TTLL5: variants seen among roughly 807,000 people sequenced by gnomAD.
The protein encoded by TTLL5 is tubulin tyrosine ligase like 5, also known as tubulin polyglutamylase TTLL5.
A neutral mutation model predicts 168.4 loss-of-function variants in TTLL5; 132 were observed. That is an observed-to-expected ratio of 0.78 (90% confidence interval 0.68 to 0.91). TTLL5 has a LOEUF of 0.91. Ranked by LOEUF, TTLL5 falls within the 40% of genes least tolerant of loss-of-function variation. TTLL5 has a pLI of 0.00. For synonymous variants in TTLL5, 546 were observed against 558.6 expected, an observed-to-expected ratio of 0.98 and a Z score of 0.32; for missense variants, 1,545 against 1,581.5, an observed-to-expected ratio of 0.98 and a Z score of 0.39.
At chr14:75,793,948 C>A (rs1892857881) in intron 27 of TTLL5, among the ~76,000 whole-genome samples, 1 of 152,198 alleles carries the variant, frequency 6.6e-6, no homozygotes, top group South Asian at 2.1e-4. Context: ...TAGTGATAAT[C>A]AAGTCTCGAA....
rs142112640 is a variant in TTLL5 at position 75,810,337 on chromosome 14, T to TTCTC, written c.3172-9654_3172-9651dup. ...TTAAGCTCTTATTAACTAAATCATCTTCTCTCTCTCTCTCTCTCTGTTTTT... is the reference window on the plus strand; with the variant it reads ...TTAAGCTCTTATTAACTAAATCATCTTCTCTCTCTCTCTCTCTCTCTCTGTTTTT... On this transcript the variant is annotated intron_variant, in intron 27 of 31. Coordinates refer to ENST00000298832, the MANE Select transcript of TTLL5 (RefSeq NM_015072.5). Among the ~76,000 whole-genome samples the TTCTC allele has an allele frequency of 2.4e-3, 363 of 150,156 alleles. 1 individual carries two copies. The highest frequency in any genetic ancestry group is 4.4e-3 in the Non-Finnish European group (294 of 67,286).
At chr14:75,851,677 T>C (rs1221954286) in intron 28 of TTLL5, among the ~76,000 whole-genome samples, 2 of 152,196 alleles carry the variant, frequency 1.3e-5, no homozygotes, top group African/African-American at 4.8e-5. Context: ...GCAGCCGCTC[T>C]CTCTGGCGGG....
At position 75,667,581 on chromosome 14, in the gene TTLL5, A is replaced by G. The variant is rs1055630051; in HGVS notation, c.75-1835A>G. Among the ~76,000 whole-genome samples, 6 of 152,232 alleles carry G rather than the reference A, an allele frequency of 3.9e-5. No individual in the cohort carries two copies. The East Asian group carries it at 9.7e-4, about 25-fold the overall frequency. ...ACTGTCACCAAGTCAAAGAACAAGA[A>G]CAATAAGCATCCACATGCCATTTCT... On this transcript the variant is annotated intron_variant, in intron 2 of 31. Transcript: ENST00000298832.
intron 18 of TTLL5, among the ~76,000 whole-genome samples, chr14:75,759,618 A>G (rs1407669497): frequency 6.6e-6 from 1 of 152,130 alleles, no homozygotes; most frequent in East Asian, 1.9e-4. Context: ...CTTCATGAAC[A>G]TAGACACAAA....
At chr14:75,688,442 T>C (rs1345887213) in intron 5 of TTLL5, among the ~76,000 whole-genome samples, 2 of 152,226 alleles carry the variant, frequency 1.3e-5, no homozygotes, top group African/African-American at 4.8e-5. Flanking sequence ...TGTCTTCCTC[T>C]ATATCCTTTG....
In TTLL5 at chr14:75,663,069, C is replaced by A; in HGVS notation, c.-81C>A. ...ATTTCTTGCAGGAATCTGTGCCATC[C>A]AAATTGCTTGATCCAGTGAATCTGC... On this transcript the variant is annotated 5_prime_UTR_variant, in exon 2 of 32. Coordinates refer to ENST00000298832, the MANE Select transcript of TTLL5 (RefSeq NM_015072.5). 1 of 1,235,078 alleles carries A rather than the reference C, an allele frequency of 8.1e-7. No homozygotes were observed. Among genetic ancestry groups the A allele is most frequent in the Non-Finnish European group, 1.2e-6 (1 of 849,036 alleles). 76.5% of individuals were successfully genotyped at this position (1,235,078 alleles called of 1,614,324 possible). A position where few individuals can be genotyped will look rare whatever the true frequency, so the allele number is the denominator to read the frequency against.
At chr14:75,667,478 T>C (rs954444159) in intron 2 of TTLL5, among the ~76,000 whole-genome samples, 1 of 152,120 alleles carries the variant, frequency 6.6e-6, no homozygotes, top group Non-Finnish European at 1.5e-5. Context: ...GTGTTAAAGA[T>C]GAAGAAGCAA....
Position 75,735,216 on chromosome 14 carries a change from C to T in TTLL5, c.1208C>T (p.Ala403Val). 2 of 1,614,194 alleles carry T rather than the reference C, an allele frequency of 1.2e-6. No homozygotes were observed. The highest frequency in any genetic ancestry group is 1.7e-6 in the Non-Finnish European group (2 of 1,179,986). Residue 403 changes from alanine (A) to valine (V), a missense_variant, in exon 15 of 32, where the codon GCC becomes GTC. By Grantham distance (64) the Ala-to-Val change is moderately conservative. Coordinates refer to ENST00000298832, the MANE Select transcript of TTLL5 (RefSeq NM_015072.5). ...TCAGGATTTGTGTGCCAAGATCCTG[C>T]CCAGCGGGCATCAACTCGGCCAATT... The part of the protein sequence containing the change: ...TVVGFVCQDP[A>V]QRASTRPIYP...
intron 30 of TTLL5, among the ~76,000 whole-genome samples, chr14:75,897,001 A>C (rs904672112): frequency 6.6e-5 from 10 of 152,102 alleles, no homozygotes; most frequent in Non-Finnish European, 2.9e-5. Flanking sequence ...TACTAGAAAA[A>C]ATTTTTCAAA....
At chr14:75,690,623 A>AT (rs1303013056) in intron 6 of TTLL5, among the ~76,000 whole-genome samples, 1 of 100,564 alleles carries the variant, frequency 9.9e-6, no homozygotes, top group Non-Finnish European at 2.7e-5. Flanking sequence ...CTATGTAAGT[A>AT]TTATTTTTTT....
intron 21 of TTLL5, among the ~76,000 whole-genome samples, chr14:75,774,745 G>A (rs973734053): frequency 2.0e-5 from 3 of 151,888 alleles, no homozygotes; most frequent in African/African-American, 7.3e-5. Flanking sequence ...TTGGAGTGCC[G>A]TGGCATGATC....
At chr14:75,821,855 G>T (rs184964522) in intron 28 of TTLL5, among the ~76,000 whole-genome samples, 4 of 152,078 alleles carry the variant, frequency 2.6e-5, no homozygotes, top group Admixed American at 1.3e-4. Context: ...AAAGTCCCCT[G>T]GTCTTTTCCT....
Position 75,828,248 on chromosome 14 carries a change from A to G in TTLL5, c.3326+8087A>G. Among the ~76,000 whole-genome samples the G allele has an allele frequency of 1.3e-5, 2 of 152,076 alleles. 1 individual carries two copies. Among genetic ancestry groups the G allele is most frequent in the Non-Finnish European group, 2.9e-5 (2 of 67,996 alleles). On this transcript the variant is annotated intron_variant, in intron 28 of 31. Coordinates refer to ENST00000298832, the MANE Select transcript of TTLL5 (RefSeq NM_015072.5). ...AATAACTCAGGTTTGAGCTGCTCGA[A>G]TCTACTTATATGTGGCTTTTCTTCC...
intron 29 of TTLL5, among the ~76,000 whole-genome samples, chr14:75,875,366 A>C (rs2031401304): frequency 1.5e-5 from 2 of 136,432 alleles, no homozygotes; most frequent in Non-Finnish European, 3.3e-5. Flanking sequence ...ACACGGTGAA[A>C]CCCCATCTCT....
intron 28 of TTLL5, among the ~76,000 whole-genome samples, chr14:75,858,541 C>T (rs151208470): frequency 2.0e-5 from 3 of 152,312 alleles, no homozygotes; most frequent in South Asian, 4.1e-4. Context: ...GAGCATCTAT[C>T]TGATAGACAA....
At chr14:75,777,610 T>G (rs1242615544) in intron 23 of TTLL5, among the ~76,000 whole-genome samples, 1 of 152,226 alleles carries the variant, frequency 6.6e-6, no homozygotes, top group South Asian at 2.1e-4. Context: ...TTTTTCTAAA[T>G]AGAGAGATGT....
chr14:75,921,399 G>T (rs183766755), intron 31 of TTLL5, among the ~76,000 whole-genome samples: 3,021 of 152,204 alleles, frequency 0.02, 39 homozygotes, highest in African/African-American at 0.042. Flanking sequence ...ATTAATTTTT[G>T]TATAAGATGT....
intron 27 of TTLL5, among the ~76,000 whole-genome samples, chr14:75,794,109 G>C (rs528128672): frequency 6.6e-6 from 1 of 152,132 alleles, no homozygotes; most frequent in Non-Finnish European, 1.5e-5. Flanking sequence ...TCATCCCAGC[G>C]TGTGAAGCAG....
At chr14:75,849,293 T>C (rs1253920041) in intron 28 of TTLL5, among the ~76,000 whole-genome samples, 1 of 152,232 alleles carries the variant, frequency 6.6e-6, no homozygotes, top group African/African-American at 2.4e-5. Flanking sequence ...AAATTAGATA[T>C]TTTATTTGGA....
Sources: allele counts gnomAD v4.1 joint callset (sites outside exome capture counted in the v4.1 genomes callset), GRCh38; gene constraint gnomAD v4.1.1; transcripts MANE v1.5; gene names NCBI Gene and HGNC (gene_info 2026-07-23, HGNC 2026-07-21).